Variants in LRCH1 observed in about 807,000 individuals in gnomAD.
LRCH1 encodes leucine-rich repeat and calponin homology domain-containing protein 1.
A neutral mutation model predicts 94.9 loss-of-function variants in LRCH1; 23 were observed. The observed-to-expected ratio is 0.24, with a 90% CI of 0.17 to 0.34. LRCH1 has a LOEUF of 0.34. LRCH1 is among the 10% of genes least tolerant of loss of function. The pLI is 1.00. For synonymous variants in LRCH1, 364 were observed against 354.9 expected (o/e 1.03, Z -0.29); for missense variants, 790 against 945.9 (o/e 0.84, Z 2.16).
intron 11 of LRCH1, among the ~76,000 whole-genome samples, chr13:46,702,526 A>G (rs1340066086): frequency 4.6e-5 from 7 of 152,058 alleles, no homozygotes; most frequent in Admixed American, 1.3e-4. Flanking sequence ...AAAACAAATA[A>G]ATAAATAAAT....
chr13:46,668,880 A>T, intron 2 of LRCH1, 150 bp from the exon 3 acceptor site: 1 of 655,000 alleles, frequency 1.5e-6, no homozygotes, highest in East Asian at 2.6e-5. Context: ...TTGTCATTTG[A>T]GTTGTCACAC....
chr13:46,554,747 G>T (rs964419668), intron 1 of LRCH1, among the ~76,000 whole-genome samples: 2 of 152,158 alleles, frequency 1.3e-5, no homozygotes, highest in Non-Finnish European at 2.9e-5. Context: ...CCGGCCATCC[G>T]GTTCCGCTCC....
chr13:46,638,208 A>T (rs912744480), intron 1 of LRCH1, among the ~76,000 whole-genome samples: 3 of 152,262 alleles, frequency 2.0e-5, no homozygotes, highest in Non-Finnish European at 4.4e-5. Context: ...ATCGATTCAT[A>T]TAAAATTTAC....
At chr13:46,554,482 GC>G (rs1056744358) in intron 1 of LRCH1, among the ~76,000 whole-genome samples, 3 of 152,156 alleles carry the variant, frequency 2.0e-5, no homozygotes, top group African/African-American at 7.2e-5. Flanking sequence ...CGTTGCGGGG[GC>G]CCCAGGAAAG....
At chr13:46,623,154 G>A (rs534845349) in intron 1 of LRCH1, among the ~76,000 whole-genome samples, 104 of 152,222 alleles carry the variant, frequency 6.8e-4, no homozygotes, top group African/African-American at 2.4e-3. Flanking sequence ...GTGGTGGGCT[G>A]TAGATTCCAT....
At chr13:46,741,129 G>GA (rs930761794) in intron 19 of LRCH1, among the ~76,000 whole-genome samples, 29 of 149,298 alleles carry the variant, frequency 1.9e-4, no homozygotes, top group South Asian at 4.2e-4. Context: ...AGCGTAAAAT[G>GA]AAAAAAAAAA....
intron 3 of LRCH1, among the ~76,000 whole-genome samples, chr13:46,672,119 A>C (rs1254608893): frequency 6.6e-6 from 1 of 152,182 alleles, no homozygotes; most frequent in African/African-American, 2.4e-5. Context: ...CCAGAATGTC[A>C]TGTAGTTGGA....
In LRCH1 at chr13:46,553,323, C is replaced by G. The variant is rs988234560; in HGVS notation, c.-74C>G. On this transcript the variant is annotated 5_prime_UTR_variant, in exon 1 of 20. Transcript: ENST00000389797. Reference sequence around the variant, plus strand: ...CACTGCGGCACTCAGCCCGAGCTGCCGTTTTCCCCTCGCGGGGAACGCTGT... The same window carrying G: ...CACTGCGGCACTCAGCCCGAGCTGCGGTTTTCCCCTCGCGGGGAACGCTGT... The G allele has an allele frequency of 1.7e-5, 22 of 1,292,040 alleles. No individual in the cohort carries two copies. In the African/African-American group the frequency reaches 3.3e-4, roughly 19 times the overall value. 80.0% of individuals were successfully genotyped at this position (1,292,040 alleles called of 1,614,324 possible).
At chr13:46,619,298 A>G (rs544261099) in intron 1 of LRCH1, among the ~76,000 whole-genome samples, 3 of 151,818 alleles carry the variant, frequency 2.0e-5, no homozygotes, top group Non-Finnish European at 4.4e-5. Flanking sequence ...TTTAGTCGAG[A>G]TGGGGTTTCG....
At chr13:46,574,821 G>T (rs980995028) in intron 1 of LRCH1, among the ~76,000 whole-genome samples, 2 of 134,514 alleles carry the variant, frequency 1.5e-5, no homozygotes, top group Admixed American at 1.4e-4. Flanking sequence ...TTGTGTGTGG[G>T]GTTTTTTTTT....
At chr13:46,650,089 G>A (rs1023660231) in intron 1 of LRCH1, 112 bp from the exon 2 acceptor site, 7 of 672,188 alleles carry the variant, frequency 1.0e-5, no homozygotes, top group Non-Finnish European at 9.4e-6. Flanking sequence ...AAAAAAAAAT[G>A]ATAATGTTGG....
chr13:46,737,112 A>G (rs1873422817), intron 19 of LRCH1, among the ~76,000 whole-genome samples: 1 of 152,176 alleles, frequency 6.6e-6, no homozygotes, highest in Non-Finnish European at 1.5e-5. Flanking sequence ...GGTTCATGAC[A>G]CACTTCTCTT....
At chr13:46,738,697 A>C (rs986778184) in intron 19 of LRCH1, among the ~76,000 whole-genome samples, 1 of 152,218 alleles carries the variant, frequency 6.6e-6, no homozygotes, top group African/African-American at 2.4e-5. Flanking sequence ...TTCTTATTAC[A>C]AGATTTATTT....
At chr13:46,690,603 A>T (rs1243848160) in intron 7 of LRCH1, among the ~76,000 whole-genome samples, 2 of 152,190 alleles carry the variant, frequency 1.3e-5, no homozygotes, top group African/African-American at 4.8e-5. Flanking sequence ...TTTTAATTAG[A>T]TGCATATCTT....
chr13:46,585,394 G>A (rs971448295), intron 1 of LRCH1, among the ~76,000 whole-genome samples: 5 of 151,998 alleles, frequency 3.3e-5, no homozygotes, highest in South Asian at 4.2e-4. Context: ...TCGCTAACAC[G>A]GTGAAACCAC....
At chr13:46,636,415 C>G (rs528066906) in intron 1 of LRCH1, among the ~76,000 whole-genome samples, 26 of 152,260 alleles carry the variant, frequency 1.7e-4, no homozygotes, top group Admixed American at 4.6e-4. Context: ...ATGTCAGGTA[C>G]ATTTACATTA....
intron 2 of LRCH1, among the ~76,000 whole-genome samples, chr13:46,651,020 A>G (rs1400720636): frequency 6.6e-6 from 1 of 152,190 alleles, no homozygotes; most frequent in Non-Finnish European, 1.5e-5. Flanking sequence ...CAGTTATTTT[A>G]AGGCCTTGGT....
chr13:46,692,669 G>A, intron 8 of LRCH1, 28 bp downstream of exon 8: 1 of 1,558,820 alleles, frequency 6.4e-7, no homozygotes, highest in African/African-American at 1.4e-5. Context: ...TGGAGAAAGT[G>A]CTTGTTTTTC....
chr13:46,585,797 A>C (rs2050429310), intron 1 of LRCH1, among the ~76,000 whole-genome samples: 2 of 149,574 alleles, frequency 1.3e-5, no homozygotes, highest in African/African-American at 4.9e-5. Flanking sequence ...CTATTGATGT[A>C]ATAAATGTAA....
Sources: allele counts gnomAD v4.1 joint callset (sites outside exome capture counted in the v4.1 genomes callset), GRCh38; gene constraint gnomAD v4.1.1; transcripts MANE v1.5; gene names NCBI Gene and HGNC (gene_info 2026-07-23, HGNC 2026-07-21).